The following RASA1 variants were observed in gnomAD, a reference collection of about 807,000 sequenced individuals.
The protein encoded by RASA1 is RAS p21 protein activator 1, also known as ras GTPase-activating protein 1.
A neutral mutation model predicts 132.2 loss-of-function variants in RASA1; 25 were observed. That is an observed-to-expected ratio of 0.19 (90% confidence interval 0.14 to 0.26). The LOEUF (loss-of-function observed/expected upper bound fraction) is 0.26. RASA1 is among the 10% of genes least tolerant of loss of function. The pLI, the probability that RASA1 is intolerant of heterozygous loss-of-function variation, is 1.00. For synonymous variants in RASA1, 477 were observed against 449.9 expected, an observed-to-expected ratio of 1.06 and a Z score of -0.76; for missense variants, 964 against 1,299.2, an observed-to-expected ratio of 0.74 and a Z score of 3.97.
intron 11 of RASA1, among the ~76,000 whole-genome samples, chr5:87,367,601 C>A (rs1445901558): frequency 2.0e-5 from 3 of 152,174 alleles, no homozygotes; most frequent in African/African-American, 7.2e-5. Context: ...TATTAAACTT[C>A]TAACTTTTAA....
chr5:87,311,266 T>C (rs1254584486), intron 1 of RASA1, among the ~76,000 whole-genome samples: 2 of 152,170 alleles, frequency 1.3e-5, no homozygotes, highest in Non-Finnish European at 2.9e-5. Context: ...GGAAAAAAAC[T>C]GGCAGTATCT....
intron 1 of RASA1, among the ~76,000 whole-genome samples, chr5:87,314,255 G>T (rs1756146036): frequency 1.3e-5 from 2 of 152,330 alleles, no homozygotes; most frequent in East Asian, 1.9e-4. Flanking sequence ...GTCCAGTGGA[G>T]ACTGGCCAAG....
At chr5:87,385,489 T>A in intron 22 of RASA1, 100 bp downstream of exon 22, 1 of 878,016 alleles carries the variant, frequency 1.1e-6, no homozygotes. Flanking sequence ...CAGTGAAATT[T>A]TTAGCGATGA....
chr5:87,283,233 A>G (rs114873833), intron 1 of RASA1, among the ~76,000 whole-genome samples: 73 of 114,806 alleles, frequency 6.4e-4, no homozygotes, highest in African/African-American at 2.3e-3. Flanking sequence ...GAAATTTTCT[A>G]TTTTTTAAAT....
chr5:87,270,574 T>C (rs2112226349), intron 1 of RASA1, among the ~76,000 whole-genome samples: 1 of 147,790 alleles, frequency 6.8e-6, no homozygotes, highest in African/African-American at 2.5e-5. Flanking sequence ...GTCGAACTCC[T>C]GACCTCAGGT....
chr5:87,351,414 G>C (rs186485358), intron 8 of RASA1, among the ~76,000 whole-genome samples: 2 of 151,802 alleles, frequency 1.3e-5, no homozygotes, highest in Admixed American at 1.3e-4. Context: ...AGAGTTCAGT[G>C]GGGGGTGAGA....
chr5:87,268,353 A>C lies in RASA1; in HGVS notation c.-99A>C. On this transcript the variant is annotated 5_prime_UTR_variant, in exon 1 of 25. Coordinates refer to ENST00000274376, the MANE Select transcript of RASA1 (RefSeq NM_002890.3). ...TTGTTTCCTCAGCCTGGGGAGCTGAAGGGGAGACGCGTCTGGGTGGGGCTG... is the reference window on the plus strand; with the variant it reads ...TTGTTTCCTCAGCCTGGGGAGCTGACGGGGAGACGCGTCTGGGTGGGGCTG... The C allele has an allele frequency of 7.4e-7, 1 of 1,344,236 alleles. No individual in the cohort carries two copies. Among genetic ancestry groups the C allele is most frequent in the Non-Finnish European group, 9.9e-7 (1 of 1,014,334 alleles). The allele number at this position is 1,344,236 out of a possible 1,614,324, so 83.3% of individuals were successfully genotyped here.
intron 7 of RASA1, among the ~76,000 whole-genome samples, chr5:87,346,986 CAT>C (rs1311050546): frequency 6.6e-6 from 1 of 151,828 alleles, no homozygotes; most frequent in African/African-American, 2.4e-5. Flanking sequence ...TTTTTTTTCC[CAT>C]ATGTTTCTAG....
At chr5:87,349,739 A>G in intron 8 of RASA1, among the ~76,000 whole-genome samples, 1 of 151,974 alleles carries the variant, frequency 6.6e-6, no homozygotes, top group Non-Finnish European at 1.5e-5. Context: ...GTTTCTAAAG[A>G]TACCTGAGAC....
intron 7 of RASA1, among the ~76,000 whole-genome samples, chr5:87,348,805 G>A (rs941453042): frequency 6.6e-6 from 1 of 151,880 alleles, no homozygotes; most frequent in Non-Finnish European, 1.5e-5. Flanking sequence ...ATTAAGCACA[G>A]AGTATTCTTA....
intron 1 of RASA1, among the ~76,000 whole-genome samples, chr5:87,299,428 C>A (rs1755262123): frequency 6.6e-6 from 1 of 152,050 alleles, no homozygotes; most frequent in Non-Finnish European, 1.5e-5. Context: ...AATATAGTAA[C>A]ATTTCTCCAT....
At chr5:87,271,744 G>A (rs1753851511) in intron 1 of RASA1, among the ~76,000 whole-genome samples, 1 of 151,782 alleles carries the variant, frequency 6.6e-6, no homozygotes, top group Admixed American at 6.6e-5. Context: ...CCGAAGTGCT[G>A]GGATTACAGG....
At chr5:87,303,205 G>C (rs75832616) in intron 1 of RASA1, among the ~76,000 whole-genome samples, 1 of 152,082 alleles carries the variant, frequency 6.6e-6, no homozygotes, top group Non-Finnish European at 1.5e-5. Context: ...TTTTTCACTA[G>C]TGAAATTGAT....
chr5:87,283,717 G>A (rs1466409476), intron 1 of RASA1, among the ~76,000 whole-genome samples: 1 of 152,070 alleles, frequency 6.6e-6, no homozygotes, highest in Non-Finnish European at 1.5e-5. Flanking sequence ...CCTACCAAGT[G>A]ATACAAACCC....
intron 1 of RASA1, among the ~76,000 whole-genome samples, chr5:87,310,933 GA>G (rs1282728237): frequency 6.6e-6 from 1 of 151,992 alleles, no homozygotes; most frequent in African/African-American, 2.4e-5. Flanking sequence ...CATAGCTGCA[GA>G]AAAAAATAAA....
chr5:87,391,137 A>G lies in RASA1; in HGVS notation c.*254A>G. On this transcript the variant is annotated 3_prime_UTR_variant, in exon 25 of 25. Coordinates refer to ENST00000274376, the MANE Select transcript of RASA1 (RefSeq NM_002890.3). The stretch of plus-strand genomic sequence containing the variant: ...TAACAACCTCTGAGCCTTGGTGTAC[A>G]GACCACCTTTCACAAAACGAAATGC... 1 of 581,832 alleles carries G rather than the reference A, an allele frequency of 1.7e-6. No individual in the cohort carries two copies. The highest frequency in any genetic ancestry group is 3.1e-6 in the Non-Finnish European group (1 of 325,386). The allele number at this position is 581,832 out of a possible 1,614,324, so 36.0% of individuals were successfully genotyped here. A position where few individuals can be genotyped will look rare whatever the true frequency, so the allele number is the denominator to read the frequency against.
intron 22 of RASA1, among the ~76,000 whole-genome samples, chr5:87,385,870 T>C (rs1762028935): frequency 6.6e-6 from 1 of 152,054 alleles, no homozygotes; most frequent in South Asian, 2.1e-4. Context: ...TAGATAACTC[T>C]TTCACTATTC....
chr5:87,390,530 ATGTGATAG>A (rs1385762146), intron 24 of RASA1, among the ~76,000 whole-genome samples: 1 of 152,096 alleles, frequency 6.6e-6, no homozygotes, highest in Non-Finnish European at 1.5e-5. Context: ...TTCTGACAAC[ATGTGATAG>A]TGTGATAGTT....
rs115868378 is a variant in RASA1, at chr5:87,341,528, A to G, written c.1049+207A>G. Among the ~76,000 whole-genome samples, 1,340 of 152,250 alleles carry G rather than the reference A, an allele frequency of 8.8e-3. 21 individuals are homozygous for G. The highest frequency in any genetic ancestry group is 0.028 in the African/African-American group (1,171 of 41,572). ...AATAAAAGGTAGCTGATAACTAAAT[A>G]TAACTCTTTTTATCACCACACTGAA... On this transcript the variant is annotated intron_variant, in intron 6 of 24. Coordinates refer to ENST00000274376, the MANE Select transcript of RASA1 (RefSeq NM_002890.3).
Sources: allele counts gnomAD v4.1 joint callset (sites outside exome capture counted in the v4.1 genomes callset), GRCh38; gene constraint gnomAD v4.1.1; transcripts MANE v1.5; gene names NCBI Gene and HGNC (gene_info 2026-07-23, HGNC 2026-07-21).